The following NAV2 variants were observed in gnomAD, a reference collection of about 807,000 sequenced individuals.
The protein encoded by NAV2 is neuron navigator 2, also known as helicase, APC down-regulated 1.
A neutral mutation model predicts 223.2 loss-of-function variants in NAV2; 54 were observed. That is an observed-to-expected ratio of 0.24 (90% CI 0.19 to 0.30). The LOEUF is 0.30. NAV2 is among the 10% of genes least tolerant of loss of function. The pLI is 1.00. For synonymous variants in NAV2, 1,279 were observed against 1,239.3 expected, an observed-to-expected ratio of 1.03 and a Z score of -0.67; for missense variants, 2,806 against 3,147.5, an observed-to-expected ratio of 0.89 and a Z score of 2.60.
In NAV2 at chr11:20,091,064, G is replaced by T; in HGVS notation, c.5652+46G>T. 1 of 1,596,192 alleles carries T rather than the reference G, an allele frequency of 6.3e-7. No homozygotes were observed. The highest frequency in any genetic ancestry group is 1.3e-5 in the African/African-American group (1 of 74,748). On this transcript the variant is annotated intron_variant, in intron 27 of 37. Transcript: ENST00000349880. ...GCTGAGCTCAAGGCTGTCTATGAAG[G>T]AGCTCCCAGAGGCTGCTCTCCACTA...
At chr11:19,739,159 G>A (rs997119707) in intron 1 of NAV2, among the ~76,000 whole-genome samples, 2 of 152,160 alleles carry the variant, frequency 1.3e-5, no homozygotes, top group East Asian at 1.9e-4. Context: ...TTCAGTCTGG[G>A]TGACAGAGTG....
chr11:19,910,991 T>C (rs2043260981), intron 6 of NAV2, among the ~76,000 whole-genome samples: 1 of 152,050 alleles, frequency 6.6e-6, no homozygotes, highest in Non-Finnish European at 1.5e-5. Flanking sequence ...GCTTAATCCC[T>C]GTCTCACTGG....
intron 1 of NAV2, among the ~76,000 whole-genome samples, chr11:19,435,716 C>T (rs1436029749): frequency 6.6e-6 from 1 of 152,194 alleles, no homozygotes; most frequent in Non-Finnish European, 1.5e-5. Flanking sequence ...TCTCTTTCTT[C>T]CATAGTCTCA....
At chr11:19,603,961 A>C (rs984966591) in intron 1 of NAV2, among the ~76,000 whole-genome samples, 79 of 152,276 alleles carry the variant, frequency 5.2e-4, no homozygotes, top group African/African-American at 1.9e-3. Flanking sequence ...GGCATGTGCA[A>C]AGGCCCTGAG....
chr11:19,612,667 A>G (rs1227644320), intron 1 of NAV2, among the ~76,000 whole-genome samples: 1 of 152,170 alleles, frequency 6.6e-6, no homozygotes, highest in Non-Finnish European at 1.5e-5. Flanking sequence ...TCTCCATCTT[A>G]GACCACCTCA....
chr11:20,118,358 A>C lies in NAV2; in HGVS notation c.*100A>C. Reference sequence around the variant, plus strand: ...TGACTTCCTGAGCCAGCCCCCAGCCACAGCCTTAGAGCTGCGGGAACACCG... The same window carrying C: ...TGACTTCCTGAGCCAGCCCCCAGCCCCAGCCTTAGAGCTGCGGGAACACCG... On this transcript the variant is annotated 3_prime_UTR_variant, in exon 38 of 38. Coordinates refer to ENST00000349880, the MANE Select transcript of NAV2 (RefSeq NM_145117.5). 7.1e-7 allele frequency: 1 copy of C among 1,403,916 alleles called. No homozygotes were observed. Among genetic ancestry groups the C allele is most frequent in the Non-Finnish European group, 9.8e-7 (1 of 1,018,842 alleles). 87.0% of individuals were successfully genotyped at this position (1,403,916 alleles called of 1,614,324 possible). A position where few individuals can be genotyped will look rare whatever the true frequency, so the allele number is the denominator to read the frequency against.
At chr11:19,734,288 A>T (rs190058062) in intron 1 of NAV2, among the ~76,000 whole-genome samples, 100 of 152,326 alleles carry the variant, frequency 6.6e-4, no homozygotes, top group African/African-American at 2.4e-3. Flanking sequence ...ATTAAAATGG[A>T]AATGTGATAT....
chr11:19,480,279 T>C (rs1268166202), intron 1 of NAV2, among the ~76,000 whole-genome samples: 1 of 152,168 alleles, frequency 6.6e-6, no homozygotes. Context: ...CACCCCTTTT[T>C]CTTGAAGCAT....
intron 1 of NAV2, among the ~76,000 whole-genome samples, chr11:19,507,490 AG>A (rs2043157498): frequency 1.3e-5 from 2 of 152,186 alleles, no homozygotes; most frequent in Admixed American, 1.3e-4. Flanking sequence ...AGAAATGTGG[AG>A]GGTAGACTAC....
At chr11:19,424,847 G>A (rs1422087552) in intron 1 of NAV2, among the ~76,000 whole-genome samples, 1 of 152,040 alleles carries the variant, frequency 6.6e-6, no homozygotes, top group African/African-American at 2.4e-5. Context: ...CACCGTGCCC[G>A]GCCTTAGTTT....
In NAV2 at chr11:19,797,123, C is replaced by T. The variant is rs1034351462; in HGVS notation, c.268-35361C>T. 1.3e-5 allele frequency among the ~76,000 whole-genome samples: 2 copies of T among 152,054 alleles called. 1 individual carries two copies. The highest frequency in any genetic ancestry group is 2.9e-5 in the Non-Finnish European group (2 of 68,008). ...GATGTGATGGAGGCATGTAGAGGATCGAGCAGGAGAATGTGGGCCTGGTCG... is the reference window on the plus strand; with the variant it reads ...GATGTGATGGAGGCATGTAGAGGATTGAGCAGGAGAATGTGGGCCTGGTCG... On this transcript the variant is annotated intron_variant, in intron 1 of 37. Coordinates refer to ENST00000349880, the MANE Select transcript of NAV2 (RefSeq NM_145117.5).
intron 4 of NAV2, among the ~76,000 whole-genome samples, chr11:19,877,903 C>T (rs891159473): frequency 6.6e-6 from 1 of 152,144 alleles, no homozygotes; most frequent in Non-Finnish European, 1.5e-5. Context: ...TCATCCAAGC[C>T]TCACACTCTG....
chr11:19,777,823 G>T (rs1228103186), intron 1 of NAV2: 2 of 454,434 alleles, frequency 4.4e-6, no homozygotes, highest in Non-Finnish European at 8.8e-6. Context: ...GCACACGCTG[G>T]GATTGTCTCC....
intron 11 of NAV2, among the ~76,000 whole-genome samples, chr11:19,990,524 C>T (rs1171790789): frequency 6.6e-6 from 1 of 152,010 alleles, no homozygotes; most frequent in African/African-American, 2.4e-5. Flanking sequence ...ATACCTTCCC[C>T]CTCCCCCCAT....
intron 2 of NAV2, among the ~76,000 whole-genome samples, chr11:19,836,997 C>G (rs1208551436): frequency 6.6e-6 from 1 of 152,158 alleles, no homozygotes; most frequent in Non-Finnish European, 1.5e-5. Context: ...TCCCAAAGGC[C>G]CCATCTCCAA....
intron 4 of NAV2, among the ~76,000 whole-genome samples, chr11:19,877,810 C>T (rs956159204): frequency 2.0e-5 from 3 of 152,074 alleles, no homozygotes; most frequent in Non-Finnish European, 2.9e-5. Context: ...TGTCACTGCC[C>T]AGTTGGGTGA....
At chr11:19,481,899 C>A (rs1333098938) in intron 1 of NAV2, among the ~76,000 whole-genome samples, 1 of 152,142 alleles carries the variant, frequency 6.6e-6, no homozygotes, top group Non-Finnish European at 1.5e-5. Context: ...CTTGTTGGAC[C>A]TCAGGCACTT....
At chr11:19,467,016 CACAG>C (rs1330204950) in intron 1 of NAV2, among the ~76,000 whole-genome samples, 2,973 of 88,750 alleles carry the variant, frequency 0.033, 28 homozygotes, top group East Asian at 0.12. Flanking sequence ...CACACACACA[CACAG>C]AGAGAGAGAG....
At chr11:19,568,904 G>C (rs2045347635) in intron 1 of NAV2, among the ~76,000 whole-genome samples, 1 of 152,134 alleles carries the variant, frequency 6.6e-6, no homozygotes, top group African/African-American at 2.4e-5. Context: ...TACTGCCCTG[G>C]GTCTCCTACG....
Sources: allele counts gnomAD v4.1 joint callset (sites outside exome capture counted in the v4.1 genomes callset), GRCh38; gene constraint gnomAD v4.1.1; transcripts MANE v1.5; gene names NCBI Gene and HGNC (gene_info 2026-07-23, HGNC 2026-07-21).